Variants in BMS1 observed in about 807,000 individuals in gnomAD.
BMS1 encodes BMS1 ribosome biogenesis factor.
Under a neutral mutation model 138.7 loss-of-function variants are expected in BMS1, and 53 were observed. The ratio of observed to expected loss-of-function variants is 0.38; its 90% confidence interval spans 0.31 to 0.48. The LOEUF is 0.48. BMS1 is among the 20% of genes least tolerant of loss of function. BMS1 has a pLI of 0.97. For synonymous variants in BMS1, 504 were observed against 539.9 expected (o/e 0.93, Z 0.92); for missense variants, 1,360 against 1,565.5 (o/e 0.87, Z 2.22).
intron 3 of BMS1, 127 bp from the exon 4 acceptor site, chr10:42,787,038 ACTT>A (rs1468567096): frequency 2.8e-6 from 2 of 712,968 alleles, no homozygotes; most frequent in Admixed American, 2.3e-5. Flanking sequence ...GTAAAAATGA[ACTT>A]CTTGTATGCT....
intron 1 of BMS1, among the ~76,000 whole-genome samples, chr10:42,784,119 C>T (rs1841247722): frequency 6.6e-6 from 1 of 152,094 alleles, no homozygotes; most frequent in Non-Finnish European, 1.5e-5. Context: ...GATGTTGACA[C>T]TTAAGATGAA....
At position 42,823,770 on chromosome 10, in the gene BMS1, G is replaced by T. The variant is rs1267396298; in HGVS notation, c.3442G>T (p.Asp1148Tyr). 3.8e-6 allele frequency: 6 copies of T among 1,592,548 alleles called. No homozygotes were observed. The highest frequency in any genetic ancestry group is 2.2e-5 in the East Asian group (1 of 44,810). The part of the protein sequence containing the change: ...AHGVRLKANK[D>Y]SLYKPILRQK... The stretch of plus-strand genomic sequence containing the variant: ...TGGCGTCAGACTAAAGGCGAACAAG[G>T]ACTCTCTGTATAAGGTACTGGTCGC... The change falls in exon 21 of 23, where the codon GAC (aspartate) becomes TAC (tyrosine). Residue 1148 changes from aspartate to tyrosine, a missense_variant. Physicochemically the swap from Asp to Tyr is radical, Grantham distance 160. Transcript: ENST00000374518.
At chr10:42,794,751 T>G (rs1319020144) in intron 9 of BMS1, among the ~76,000 whole-genome samples, 1 of 150,602 alleles carries the variant, frequency 6.6e-6, no homozygotes, top group Non-Finnish European at 1.5e-5. Context: ...TATTTCTATA[T>G]TATCATTTCC....
intron 3 of BMS1, among the ~76,000 whole-genome samples, chr10:42,786,054 A>AT (rs747090188): frequency 1.4e-4 from 21 of 151,972 alleles, no homozygotes; most frequent in Non-Finnish European, 2.6e-4. Context: ...TTCCTCCTCC[A>AT]TTTTTTGTAT....
chr10:42,826,380 T>TC (rs144698566), intron 21 of BMS1, among the ~76,000 whole-genome samples: 1,625 of 152,186 alleles, frequency 0.011, 30 homozygotes, highest in African/African-American at 0.038. Flanking sequence ...AGAAGTAAAC[T>TC]CCCAGGGGAT....
At chr10:42,810,301 A>G (rs1300697577) in intron 13 of BMS1, among the ~76,000 whole-genome samples, 1 of 152,216 alleles carries the variant, frequency 6.6e-6, no homozygotes, top group Non-Finnish European at 1.5e-5. Flanking sequence ...ATGAATACCC[A>G]GTCATCACAC....
chr10:42,807,863 T>C (rs116796107), intron 13 of BMS1, among the ~76,000 whole-genome samples: 3,983 of 152,290 alleles, frequency 0.026, 165 homozygotes, highest in African/African-American at 0.092. Flanking sequence ...CACAGTTTCA[T>C]AGGAGACTGC....
rs180713191 is a variant in BMS1, at chr10:42,790,145, T to C, written c.448-178T>C. On this transcript the variant is annotated intron_variant, in intron 4 of 22. Transcript: ENST00000374518. ...TTCTGCAGCTACTTAGCTCTGCAGT[T>C]GTAGTGCACAGGCAGCCATAGACAA... Among the ~76,000 whole-genome samples the C allele has an allele frequency of 6.0e-3, 907 of 152,334 alleles. 3 individuals carry two copies. The highest frequency in any genetic ancestry group is 0.021 in the African/African-American group (861 of 41,572).
At chr10:42,801,105 T>C (rs138793970) in intron 12 of BMS1, among the ~76,000 whole-genome samples, 2 of 152,316 alleles carry the variant, frequency 1.3e-5, no homozygotes, top group East Asian at 3.9e-4. Flanking sequence ...TCCTGATTTC[T>C]TTTAGTAGGA....
In BMS1 at chr10:42,823,096, T is replaced by G. The variant is rs199843107; in HGVS notation, c.3133-22T>G. 4.7e-6 allele frequency: 7 copies of G among 1,499,674 alleles called. No homozygotes were observed. The highest frequency in any genetic ancestry group is 2.8e-5 in the African/African-American group (2 of 70,916). 92.9% of individuals were successfully genotyped at this position (1,499,674 alleles called of 1,614,324 possible). A position where few individuals can be genotyped will look rare whatever the true frequency, so the allele number is the denominator to read the frequency against. ...AGTATATGATTTTGTGTGTGTGTGT[T>G]TTTATCTTGCTATACCTGTAGGGAA... On this transcript the variant is annotated intron_variant, in intron 19 of 22. Coordinates refer to ENST00000374518, the MANE Select transcript of BMS1 (RefSeq NM_014753.4).
In BMS1 at chr10:42,825,742, A is replaced by C. The variant is rs535785460; in HGVS notation, c.3456+1958A>C. 1.1e-4 allele frequency among the ~76,000 whole-genome samples: 16 copies of C among 152,250 alleles called. No homozygotes were observed. In the South Asian group the frequency reaches 3.3e-3, roughly 32 times the overall value. On this transcript the variant is annotated intron_variant, in intron 21 of 22. Transcript: ENST00000374518. ...ATCTTGTCATCTGCAAATAGAGATA[A>C]TTTTACTTCTTTAATTTAGTTGCCT...
At chr10:42,815,849 A>G (rs1343022907) in intron 13 of BMS1, among the ~76,000 whole-genome samples, 4 of 152,264 alleles carry the variant, frequency 2.6e-5, no homozygotes, top group South Asian at 4.1e-4. Flanking sequence ...TATGTTTTAT[A>G]TAACCTAAAA....
intron 13 of BMS1, among the ~76,000 whole-genome samples, chr10:42,814,247 C>T (rs1294339306): frequency 6.6e-6 from 1 of 152,080 alleles, no homozygotes; most frequent in East Asian, 1.9e-4. Context: ...TGTTATTGTC[C>T]CACAGGTCCG....
chr10:42,798,647 G>T, intron 12 of BMS1, 22 bp downstream of exon 12: 1 of 1,609,854 alleles, frequency 6.2e-7, no homozygotes, highest in South Asian at 1.1e-5. Context: ...TAGTACATTT[G>T]ATTTATTAGA....
Position 42,817,389 on chromosome 10 carries a change from T to G in BMS1, c.2475T>G (p.His825Gln). 1 of 1,610,672 alleles carries G rather than the reference T, an allele frequency of 6.2e-7. No individual in the cohort carries two copies. Among genetic ancestry groups the G allele is most frequent in the Non-Finnish European group, 8.5e-7 (1 of 1,179,446 alleles). The change falls in exon 15 of 23, where the codon CAT becomes CAG. Residue 825 changes from histidine (H) to glutamine (Q), a missense_variant. Physicochemically the swap from His to Gln is conservative, Grantham distance 24 (BLOSUM62 0). Coordinates refer to ENST00000374518, the MANE Select transcript of BMS1 (RefSeq NM_014753.4). The stretch of plus-strand genomic sequence containing the variant: ...AAGAAGAAAGTGCCAAGAAAAAGCA[T>G]TTGGATAAGAAGAGAAAATTGAAGG... ...PDEEESAKKK[H>Q]LDKKRKLKEM...
chr10:42,796,510 G>A lies in BMS1; in HGVS notation c.1266G>A (p.Leu422=). ...CAAAGGAGGAAAAACAAATGGACTTGAACACTGGTCGAATGCGTCGGAAAG... is the reference window on the plus strand; with the variant it reads ...CAAAGGAGGAAAAACAAATGGACTTAAACACTGGTCGAATGCGTCGGAAAG... ...MMPKEEKQMD[L]NTGRMRRKAI... The change falls in exon 10 of 23, where the codon TTG becomes TTA. Residue 422 remains leucine, a synonymous_variant. Transcript: ENST00000374518. 1 of 1,614,150 alleles carries A rather than the reference G, an allele frequency of 6.2e-7. No individual in the cohort carries two copies. The highest frequency in any genetic ancestry group is 1.1e-5 in the South Asian group (1 of 91,058).
At position 42,830,898 on chromosome 10, in the gene BMS1, G is replaced by A. The variant is rs774079905; in HGVS notation, c.3651G>A (p.Val1217=). 1.2e-6 allele frequency: 2 copies of A among 1,612,248 alleles called. No homozygotes were observed. The highest frequency in any genetic ancestry group is 1.7e-6 in the Non-Finnish European group (2 of 1,179,250). Residue 1217 remains valine (V), a synonymous_variant, in exon 23 of 23, where the codon GTG becomes GTA. Coordinates refer to ENST00000374518, the MANE Select transcript of BMS1 (RefSeq NM_014753.4). ...ILALLDALST[V]HSQKMKKAKE... ...CACTGCTGGATGCTCTGAGTACGGTGCATAGTCAGAAGATGAAGAAGGCCA... is the reference window on the plus strand; with the variant it reads ...CACTGCTGGATGCTCTGAGTACGGTACATAGTCAGAAGATGAAGAAGGCCA...
At chr10:42,819,410 A>T (rs1474409958) in intron 15 of BMS1, among the ~76,000 whole-genome samples, 1 of 152,218 alleles carries the variant, frequency 6.6e-6, no homozygotes, top group East Asian at 1.9e-4. Flanking sequence ...TTTAAATATT[A>T]TGTAATTGTA....
chr10:42,787,930 T>C (rs1841387107), intron 4 of BMS1, among the ~76,000 whole-genome samples: 1 of 152,196 alleles, frequency 6.6e-6, no homozygotes, highest in Non-Finnish European at 1.5e-5. Flanking sequence ...TCTTTTAAAT[T>C]AGCAAAAATA....
Sources: gnomAD v4.1 joint callset for allele counts (sites outside exome capture counted in the v4.1 genomes callset) on GRCh38, gnomAD v4.1.1 for gene constraint, MANE v1.5 for transcripts, NCBI Gene and HGNC (gene_info 2026-07-23, HGNC 2026-07-21) for gene names.